ZBTB8B: variants seen among roughly 807,000 people sequenced by gnomAD.
The protein encoded by ZBTB8B is zinc finger and BTB domain containing 8B, also known as zinc finger and BTB domain-containing protein 8B.
A neutral mutation model predicts 30.3 loss-of-function variants in ZBTB8B; 17 were observed. The ratio of observed to expected loss-of-function variants is 0.56; its 90% CI spans 0.38 to 0.84. The LOEUF is 0.84. ZBTB8B is among the 40% of genes least tolerant of loss of function. ZBTB8B has a pLI of 0.00. For missense variants in ZBTB8B, 515 were observed against 644.9 expected (o/e 0.80, Z 2.18); for synonymous variants, 248 against 255.6 (o/e 0.97, Z 0.28).
Position 32,485,248 on chromosome 1 carries a change from A to T in ZBTB8B, c.1318A>T (p.Ile440Phe), listed in dbSNP as rs1301507185. ...CGATGATGATGATGATTTGATGCCCATCAACCTTAGCTTGGTGGAGGCTTC... is the reference window on the plus strand; with the variant it reads ...CGATGATGATGATGATTTGATGCCCTTCAACCTTAGCTTGGTGGAGGCTTC... ...TPDDDDDLMP[I>F]NLSLVEASSE... The change falls in exon 4 of 4, where the codon ATC becomes TTC. Residue 440 changes from isoleucine to phenylalanine, a missense_variant. Around this residue, in one of 3 missense-constraint regions of ZBTB8B, gnomAD observed 429 missense variants for 504.3 expected, o/e 0.85. Transcript: ENST00000609129. The T allele has an allele frequency of 6.4e-7, 1 of 1,551,954 alleles. No homozygotes were observed. The highest frequency in any genetic ancestry group is 8.7e-7 in the Non-Finnish European group (1 of 1,147,090).
intron 1 of ZBTB8B, among the ~76,000 whole-genome samples, chr1:32,469,966 G>A (rs1353554732): frequency 6.6e-6 from 1 of 152,004 alleles, no homozygotes. Context: ...GTTTCACGCA[G>A]CTTACATCTC....
Position 32,492,511 on chromosome 1 carries a change from C to G in ZBTB8B, c.*7093C>G, listed in dbSNP as rs1371743839. On this transcript the variant is annotated 3_prime_UTR_variant, in exon 4 of 4. Coordinates refer to ENST00000609129, the MANE Select transcript of ZBTB8B (RefSeq NM_001145720.2). ...AGAGATAGGGTTTCACCATGTTGGT[C>G]AGGCTGATCTCGGCCTGACCTCAGG... 6.6e-6 allele frequency: 1 copy of G among 152,164 alleles called. No individual in the cohort carries two copies. The highest frequency in any genetic ancestry group is 1.5e-5 in the Non-Finnish European group (1 of 68,164). The allele number at this position is 152,164 out of a possible 1,614,324, so 9.4% of individuals were successfully genotyped here. A position where few individuals can be genotyped will look rare whatever the true frequency, so the allele number is the denominator to read the frequency against.
At position 32,471,472 on chromosome 1, in the gene ZBTB8B, C is replaced by G; in HGVS notation, c.848C>G (p.Ala283Gly). ...TACCACGTGAAGCAGTTCCTGGAGG[C>G]GCTCTTGCGCAACAGCGCTGCCCCG... Reference protein sequence around the residue: ...SNYHVKQFLEALLRNSAAPSK... With the variant: ...SNYHVKQFLEGLLRNSAAPSK... Residue 283 changes from alanine (A) to glycine (G), a missense_variant, in exon 2 of 4, where the codon GCG becomes GGG. By Grantham distance (60) the Ala-to-Gly change is moderately conservative. Around this residue, in one of 3 missense-constraint regions of ZBTB8B, gnomAD observed 429 missense variants for 504.3 expected, o/e 0.85. Transcript: ENST00000609129. 1 of 1,551,794 alleles carries G rather than the reference C, an allele frequency of 6.4e-7. No individual in the cohort carries two copies. Among genetic ancestry groups the G allele is most frequent in the Non-Finnish European group, 8.7e-7 (1 of 1,147,016 alleles).
At chr1:32,467,848 C>T (rs924878115) in intron 1 of ZBTB8B, among the ~76,000 whole-genome samples, 4 of 151,776 alleles carry the variant, frequency 2.6e-5, no homozygotes, top group Non-Finnish European at 4.4e-5. Context: ...TGTGGTGTCT[C>T]ACACCTGTAA....
Position 32,486,611 on chromosome 1 carries a change from T to A in ZBTB8B, c.*1193T>A, listed in dbSNP as rs1164608455. On this transcript the variant is annotated 3_prime_UTR_variant, in exon 4 of 4. Transcript: ENST00000609129. Reference sequence around the variant, plus strand: ...GGGTGGTTGCCATGATAAGGGGCAGTGACTTCCAGGTGTTGCCATGGCAAT... The same window carrying A: ...GGGTGGTTGCCATGATAAGGGGCAGAGACTTCCAGGTGTTGCCATGGCAAT... The A allele has an allele frequency of 6.6e-6, 1 of 152,198 alleles. No homozygotes were observed. Among genetic ancestry groups the A allele is most frequent in the Non-Finnish European group, 1.5e-5 (1 of 68,034 alleles). 9.4% of individuals were successfully genotyped at this position (152,198 alleles called of 1,614,324 possible).
In ZBTB8B at chr1:32,472,321, G is replaced by A. The variant is rs528276633; in HGVS notation, c.991+706G>A. On this transcript the variant is annotated intron_variant, in intron 2 of 3. Transcript: ENST00000609129. ...CTTGGTTAAATCATTGAATCTCTTT[G>A]AGTCTGTTTTGTCATCTGTAAAACG... Among the ~76,000 whole-genome samples the A allele has an allele frequency of 2.8e-4, 43 of 152,324 alleles. 1 individual carries two copies. Among genetic ancestry groups the A allele is most frequent in the African/African-American group, 9.6e-4 (40 of 41,582 alleles).
intron 3 of ZBTB8B, among the ~76,000 whole-genome samples, chr1:32,482,817 G>A (rs1166395815): frequency 4.0e-5 from 6 of 151,646 alleles, no homozygotes; most frequent in Admixed American, 3.3e-4. Flanking sequence ...AATTAAACCT[G>A]GGCAAAGGAT....
intron 2 of ZBTB8B, among the ~76,000 whole-genome samples, chr1:32,473,953 C>T (rs561729584): frequency 5.3e-5 from 8 of 152,036 alleles, no homozygotes; most frequent in South Asian, 4.1e-4. Context: ...TGGGTTCAAG[C>T]GAGTCTCCTG....
intron 2 of ZBTB8B, among the ~76,000 whole-genome samples, chr1:32,480,153 T>C (rs1365874230): frequency 1.3e-5 from 2 of 152,140 alleles, no homozygotes; most frequent in South Asian, 4.1e-4. Context: ...ACAACAGAAA[T>C]GTATCCTCAT....
In ZBTB8B at chr1:32,486,729, A is replaced by G. The variant is rs989834029; in HGVS notation, c.*1311A>G. On this transcript the variant is annotated 3_prime_UTR_variant, in exon 4 of 4. Coordinates refer to ENST00000609129, the MANE Select transcript of ZBTB8B (RefSeq NM_001145720.2). ...ACCGCCCTGTTTTAGCTAGTCCTCA[A>G]TTTGGTCCATGTCCGAGTCCGGCCT... 1 of 152,080 alleles carries G rather than the reference A, an allele frequency of 6.6e-6. No homozygotes were observed. The highest frequency in any genetic ancestry group is 1.5e-5 in the Non-Finnish European group (1 of 68,034). The allele number at this position is 152,080 out of a possible 1,614,324, so 9.4% of individuals were successfully genotyped here.
rs148816007 is a variant in ZBTB8B, at chr1:32,484,270, G to A, written c.1171-831G>A. 4.2e-3 allele frequency among the ~76,000 whole-genome samples: 637 copies of A among 151,738 alleles called. 2 individuals carry two copies. The highest frequency in any genetic ancestry group is 0.015 in the African/African-American group (607 of 41,366). On this transcript the variant is annotated intron_variant, in intron 3 of 3. Coordinates refer to ENST00000609129, the MANE Select transcript of ZBTB8B (RefSeq NM_001145720.2). This position sits in a 1 kb window ranked among gnomAD's most constrained non-coding sequence, Gnocchi z 4.5. ...CATTTGAGTGCTTTTTGTATGCCAA[G>A]CACTAGGGATATAGTAAGGAATGGG...
At chr1:32,474,591 G>A (rs1452899397) in intron 2 of ZBTB8B, among the ~76,000 whole-genome samples, 1 of 151,990 alleles carries the variant, frequency 6.6e-6, no homozygotes, top group African/African-American at 2.4e-5. Flanking sequence ...TTCTGGTTCT[G>A]AGACACTGGC....
At chr1:32,474,143 G>T (rs1290450014) in intron 2 of ZBTB8B, among the ~76,000 whole-genome samples, 1 of 151,706 alleles carries the variant, frequency 6.6e-6, no homozygotes, top group African/African-American at 2.4e-5. Context: ...GAGCCACTAT[G>T]CCCGGCTTCA....
intron 1 of ZBTB8B, among the ~76,000 whole-genome samples, chr1:32,466,863 C>G (rs1255093361): frequency 1.3e-5 from 2 of 152,084 alleles, no homozygotes; most frequent in East Asian, 1.9e-4. Context: ...AACTCCTTAC[C>G]CCTCTGCCCT....
At chr1:32,478,555 A>C (rs1222637610) in intron 2 of ZBTB8B, among the ~76,000 whole-genome samples, 1 of 152,180 alleles carries the variant, frequency 6.6e-6, no homozygotes, top group Non-Finnish European at 1.5e-5. Context: ...TTTTACTTGT[A>C]TCAGTACCAG....
chr1:32,483,432 A>C (rs1252454046), intron 3 of ZBTB8B, among the ~76,000 whole-genome samples: 4 of 151,644 alleles, frequency 2.6e-5, no homozygotes, highest in African/African-American at 9.7e-5. Flanking sequence ...CTCAAAAAAA[A>C]CAAAACAAAA....
Position 32,470,969 on chromosome 1 carries a change from G to A in ZBTB8B, c.345G>A (p.Lys115=), listed in dbSNP as rs1195117850. The A allele has an allele frequency of 4.5e-6, 7 of 1,552,160 alleles. No homozygotes were observed. In the South Asian group the frequency reaches 7.1e-5, roughly 16 times the overall value. The change falls in exon 2 of 4, where the codon AAG becomes AAA. Residue 115 remains lysine, a synonymous_variant. Coordinates refer to ENST00000609129, the MANE Select transcript of ZBTB8B (RefSeq NM_001145720.2). ...TGAATGACGTGGTGAACTTCTGCAA[G>A]ACATACATTAGGTCATCCCTCGACA... ...LQMNDVVNFC[K]TYIRSSLDIC...
chr1:32,470,528 A>ATT, intron 1 of ZBTB8B, 56 bp from the exon 2 acceptor site: 1 of 1,055,742 alleles, frequency 9.5e-7, no homozygotes, highest in Non-Finnish European at 1.3e-6. Flanking sequence ...AAAAAAAAAG[A>ATT]AATCTTGTTT....
At chr1:32,479,465 G>A (rs1643688760) in intron 2 of ZBTB8B, among the ~76,000 whole-genome samples, 1 of 152,166 alleles carries the variant, frequency 6.6e-6, no homozygotes, top group Admixed American at 6.5e-5. Context: ...GGAGGTTGCA[G>A]TGAGCCAAGA....
Sources: allele counts gnomAD v4.1 joint callset (sites outside exome capture counted in the v4.1 genomes callset), GRCh38; gene constraint gnomAD v4.1.1; regional missense constraint gnomAD v4.1.1; non-coding constraint Gnocchi (gnomAD v3.1); transcripts MANE v1.5; gene names NCBI Gene and HGNC (gene_info 2026-07-23, HGNC 2026-07-21).